EP400: variants seen among roughly 807,000 people sequenced by gnomAD.
EP400 encodes the protein E1A-binding protein p400.
A neutral mutation model predicts 354.1 loss-of-function variants in EP400; 105 were observed. The observed-to-expected ratio is 0.30, with a 90% CI of 0.25 to 0.35. EP400 has a LOEUF of 0.35. Ranked by LOEUF, EP400 falls within the 10% of genes least tolerant of loss-of-function variation. The probability of loss-of-function intolerance (pLI) is 1.00; values close to 1 mark genes in which losing one functional copy is unlikely to be tolerated. For missense variants in EP400, 3,280 were observed against 4,121.0 expected, an observed-to-expected ratio of 0.80 and a Z score of 5.59; for synonymous variants, 1,646 against 1,716.9, an observed-to-expected ratio of 0.96 and a Z score of 1.02.
In EP400 at chr12:132,006,720, T is replaced by A; in HGVS notation, c.3147T>A (p.Ser1049=). ...VTTSVKFNAP[S]LLYGALRDYQ... is the part of the protein sequence containing the mutation. ...TGCAGGTCAAGTTTAATGCTCCATC[T>A]TTGTTGTATGGGGCTCTCAGAGATT... The change falls in exon 15 of 53, where the codon TCT becomes TCA. Residue 1049 remains serine, a synonymous_variant. Coordinates refer to ENST00000389561, the MANE Select transcript of EP400 (RefSeq NM_015409.5). 1 of 1,601,912 alleles carries A rather than the reference T, an allele frequency of 6.2e-7. No homozygotes were observed.
intron 2 of EP400, among the ~76,000 whole-genome samples, chr12:131,965,590 A>G (rs1042424730): frequency 5.9e-5 from 9 of 152,216 alleles, no homozygotes; most frequent in Non-Finnish European, 1.5e-5. Flanking sequence ...CACCACAGTC[A>G]AGCAACAGAA....
rs1200999297 is a variant in EP400, at chr12:132,025,675, G to A, written c.4885G>A (p.Gly1629Arg). ...CGTCCTCCAGATCGTGTCCGCCCCC[G>A]GGCAGCCCTACCTTCGAGCCCCTGG... ...GSVLQIVSAP[G>R]QPYLRAPGPV... Residue 1629 changes from glycine to arginine, a missense_variant, in exon 25 of 53, where the codon GGG (glycine) becomes AGG (arginine). By Grantham distance (125) the Gly-to-Arg change is moderately radical. Around this residue, in one of 20 missense-constraint regions of EP400, gnomAD observed 459 missense variants for 496.9 expected, o/e 0.92. Coordinates refer to ENST00000389561, the MANE Select transcript of EP400 (RefSeq NM_015409.5). This position sits in a 1 kb window ranked among gnomAD's most constrained non-coding sequence, Gnocchi z 4.1. 9 of 1,611,202 alleles carry A rather than the reference G, an allele frequency of 5.6e-6. No homozygotes were observed. The highest frequency in any genetic ancestry group is 2.2e-5 in the East Asian group (1 of 44,752).
chr12:132,032,396 T>C (rs146280317), intron 30 of EP400, among the ~76,000 whole-genome samples: 1 of 152,376 alleles, frequency 6.6e-6, no homozygotes, highest in Admixed American at 6.5e-5. Context: ...CTATTCCTTT[T>C]ATTTATACTC....
chr12:132,020,221 A>G lies in EP400; in HGVS notation c.4447+3A>G, dbSNP rs1278336174. 1.9e-6 allele frequency: 3 copies of G among 1,598,880 alleles called. No homozygotes were observed. Among genetic ancestry groups the G allele is most frequent in the Non-Finnish European group, 2.6e-6 (3 of 1,172,770 alleles). Reference sequence around the variant, plus strand: ...CTCTGCCAATCCGGAGGCAAAAGGTAGACTTCACGTAGTTGTCTGCTCTCC... The same window carrying G: ...CTCTGCCAATCCGGAGGCAAAAGGTGGACTTCACGTAGTTGTCTGCTCTCC... On this transcript the variant is annotated splice_donor_region_variant and intron_variant, in intron 22 of 52. Transcript: ENST00000389561.
At chr12:132,014,055 C>A in intron 19 of EP400, 142 bp downstream of exon 19, 1 of 1,129,836 alleles carries the variant, frequency 8.9e-7, no homozygotes, top group Non-Finnish European at 1.3e-6. Context: ...CTCCTGGGGG[C>A]AGCAGGCTCT....
chr12:131,985,642 T>C (rs1324829730), intron 5 of EP400, among the ~76,000 whole-genome samples: 1 of 152,190 alleles, frequency 6.6e-6, no homozygotes, highest in Non-Finnish European at 1.5e-5. Flanking sequence ...AGTTTTGCTC[T>C]TGTTCCCCAT....
chr12:132,015,777 G>A (rs544500419), intron 19 of EP400, among the ~76,000 whole-genome samples: 17 of 152,266 alleles, frequency 1.1e-4, no homozygotes, highest in Admixed American at 5.9e-4. Flanking sequence ...TTAGGTGTGC[G>A]CACGCCTCGC....
rs1229144203 is a variant in EP400 at position 132,029,206 on chromosome 12, G to A, written c.5382-495G>A. 1.2e-5 allele frequency: 2 copies of A among 162,000 alleles called. No individual in the cohort carries two copies. Among genetic ancestry groups the A allele is most frequent in the African/African-American group, 2.4e-5 (1 of 41,682 alleles). 10.0% of individuals were successfully genotyped at this position (162,000 alleles called of 1,614,324 possible). ...TGATGTCCATAGCAAGGGCCTTCTG[G>A]TGCAGGTGACCTCCACAGGTTGCAA... On this transcript the variant is annotated intron_variant, in intron 27 of 52. Coordinates refer to ENST00000389561, the MANE Select transcript of EP400 (RefSeq NM_015409.5). This position sits in a 1 kb window ranked among gnomAD's most constrained non-coding sequence, Gnocchi z 4.7.
intron 2 of EP400, among the ~76,000 whole-genome samples, chr12:131,962,546 T>C (rs978724141): frequency 7.9e-5 from 12 of 152,250 alleles, no homozygotes; most frequent in African/African-American, 2.9e-4. Context: ...TGAGAAGTTA[T>C]TCAATTTTTA....
rs547430010 is a variant in EP400, at chr12:132,035,602, G to T, written c.5952-2080G>T. Among the ~76,000 whole-genome samples, 3 of 150,920 alleles carry T rather than the reference G, an allele frequency of 2.0e-5. No individual in the cohort carries two copies. In the South Asian group the frequency reaches 6.3e-4, roughly 32 times the overall value. On this transcript the variant is annotated intron_variant, in intron 30 of 52. Transcript: ENST00000389561. ...GAACGTCATGGAAGGGCACACCCAG[G>T]TTCACACGGAACGTCGTGGAAGGGC...
Position 131,982,203 on chromosome 12 carries a change from A to T in EP400, c.1654A>T (p.Thr552Ser), listed in dbSNP as rs749574992. The change falls in exon 5 of 53, where the codon ACC (threonine) becomes TCC (serine). Residue 552 changes from threonine to serine, a missense_variant. By Grantham distance (58) the Thr-to-Ser change is moderately conservative (BLOSUM62 1). Around this residue, in one of 20 missense-constraint regions of EP400, gnomAD observed 800 missense variants for 840.0 expected, o/e 0.95. Coordinates refer to ENST00000389561, the MANE Select transcript of EP400 (RefSeq NM_015409.5). ...PPVQNAASLH[T>S]PLPQLPGRLP... ...CGTGCAGAACGCTGCCAGCTTGCAC[A>T]CCCCACTGCCGCAGCTGCCCGGGAG... The T allele has an allele frequency of 2.5e-6, 4 of 1,613,680 alleles. No homozygotes were observed. Among genetic ancestry groups the T allele is most frequent in the Non-Finnish European group, 3.4e-6 (4 of 1,179,870 alleles).
At chr12:132,024,363 A>AC (rs1894226589) in intron 24 of EP400, among the ~76,000 whole-genome samples, 1 of 152,096 alleles carries the variant, frequency 6.6e-6, no homozygotes, top group African/African-American at 2.4e-5. Flanking sequence ...ACAGACTGAG[A>AC]CCCCATCTCT....
rs755946961 is a variant in EP400, at chr12:132,044,202, C to T, written c.6476C>T (p.Ala2159Val). 11 of 1,614,244 alleles carry T rather than the reference C, an allele frequency of 6.8e-6. No homozygotes were observed. The highest frequency in any genetic ancestry group is 1.6e-4 in the Middle Eastern group (1 of 6,062). The stretch of plus-strand genomic sequence containing the variant: ...GACGCAGTGATGACTGCAGTGAGGG[C>T]ATGGGAGTTCTGGAACCTGAAGACC... The part of the protein sequence containing the change: ...SEDAVMTAVR[A>V]WEFWNLKTLQ... Residue 2159 changes from alanine to valine, a missense_variant, in exon 35 of 53, where the codon GCA becomes GTA. Physicochemically the swap from Ala to Val is moderately conservative, Grantham distance 64 (BLOSUM62 0). Around this residue, in one of 20 missense-constraint regions of EP400, gnomAD observed 231 missense variants for 257.9 expected, o/e 0.90. Transcript: ENST00000389561.
chr12:132,018,267 G>A lies in EP400; in HGVS notation c.4168G>A (p.Glu1390Lys), dbSNP rs1440396487. 10 of 1,613,696 alleles carry A rather than the reference G, an allele frequency of 6.2e-6. No homozygotes were observed. Among genetic ancestry groups the A allele is most frequent in the African/African-American group, 2.7e-5 (2 of 74,840 alleles). Residue 1390 changes from glutamate to lysine, a missense_variant, in exon 21 of 53, where the codon GAG becomes AAG. Physicochemically the swap from Glu to Lys is moderately conservative, Grantham distance 56. Transcript: ENST00000389561. The surrounding 1 kb of genome is among the most constrained non-coding windows in gnomAD (Gnocchi z 4.0). ...CTTAGAAAATAAAATCACTCGTCAC[G>A]AGGCAGAGTTGCTGTCTAAGAAAAA... ...IGLENKITRHEAELLSKKKIP... is the reference protein window; with the variant it reads ...IGLENKITRHKAELLSKKKIP...
At chr12:132,044,025 G>A (rs1895000926) in intron 34 of EP400, 152 bp from the exon 35 acceptor site, 3 of 1,144,642 alleles carry the variant, frequency 2.6e-6, no homozygotes, top group Non-Finnish European at 3.7e-6. Context: ...TGGATTTGCA[G>A]CAGGCTGCTG....
rs1342822561 is a variant in EP400 at position 131,994,181 on chromosome 12, G to T, written c.2738-686G>T. On this transcript the variant is annotated intron_variant, in intron 11 of 52. Transcript: ENST00000389561. This position sits in a 1 kb window ranked among gnomAD's most constrained non-coding sequence, Gnocchi z 4.6. Reference sequence around the variant, plus strand: ...TAGGCCTTCTTGGTGGGCAGTGGGGGTCTTGTAGTGAAGAAATGAGGAAGA... The same window carrying T: ...TAGGCCTTCTTGGTGGGCAGTGGGGTTCTTGTAGTGAAGAAATGAGGAAGA... Among the ~76,000 whole-genome samples the T allele has an allele frequency of 2.0e-5, 3 of 152,176 alleles. No homozygotes were observed. Among genetic ancestry groups the T allele is most frequent in the Non-Finnish European group, 2.9e-5 (2 of 68,028 alleles).
intron 15 of EP400, among the ~76,000 whole-genome samples, chr12:132,010,152 A>T (rs1284309716): frequency 9.1e-5 from 13 of 142,432 alleles, no homozygotes; most frequent in African/African-American, 3.2e-4. Flanking sequence ...CAGTGGCGTG[A>T]TCTCAGCTCA....
At position 131,986,814 on chromosome 12, in the gene EP400, A is replaced by G. The variant is rs1892869999; in HGVS notation, c.2223+7A>G. 2 of 1,589,356 alleles carry G rather than the reference A, an allele frequency of 1.3e-6. No individual in the cohort carries two copies. Among genetic ancestry groups the G allele is most frequent in the Non-Finnish European group, 1.7e-6 (2 of 1,167,082 alleles). On this transcript the variant is annotated splice_region_variant and intron_variant, in intron 6 of 52. Coordinates refer to ENST00000389561, the MANE Select transcript of EP400 (RefSeq NM_015409.5). ...GACAGAACAAATAACTCTGGTAAGCATGCTTAAGAAAGTTGTAAAATGTAC... is the reference window on the plus strand; with the variant it reads ...GACAGAACAAATAACTCTGGTAAGCGTGCTTAAGAAAGTTGTAAAATGTAC...
chr12:132,062,036 T>TC, intron 45 of EP400, 74 bp from the exon 46 acceptor site: 1 of 1,388,462 alleles, frequency 7.2e-7, no homozygotes, highest in Non-Finnish European at 1.0e-6. Flanking sequence ...GCTCTTGTCT[T>TC]CCCTGCTCTG....
Sources: gnomAD v4.1 joint callset for allele counts (sites outside exome capture counted in the v4.1 genomes callset) on GRCh38, gnomAD v4.1.1 for gene constraint, gnomAD v4.1.1 regional missense constraint, Gnocchi (gnomAD v3.1) non-coding constraint, MANE v1.5 for transcripts, NCBI Gene and HGNC (gene_info 2026-07-23, HGNC 2026-07-21) for gene names.